Variants in DCTN5 observed in about 807,000 individuals in gnomAD.
DCTN5 encodes dynactin subunit 5.
In DCTN5, 14 loss-of-function variants were observed where a neutral mutation model predicts 23.5. That is an observed-to-expected ratio of 0.60 (90% CI 0.39 to 0.93). The LOEUF is 0.93. Among genes scored for constraint, DCTN5 ranks in the 40% least tolerant of loss-of-function variants. The probability of loss-of-function intolerance (pLI) is 0.00; values close to 1 mark genes in which losing one functional copy is unlikely to be tolerated. For missense variants in DCTN5, 156 were observed against 225.9 expected, an observed-to-expected ratio of 0.69 and a Z score of 1.98; for synonymous variants, 67 against 79.6, an observed-to-expected ratio of 0.84 and a Z score of 0.84.
At chr16:23,642,651 T>TA (rs201390063) in intron 1 of DCTN5, 51 of 247,510 alleles carry the variant, frequency 2.1e-4, no homozygotes, top group East Asian at 4.8e-4. Context: ...CCCGGCTAAT[T>TA]AAAAAATTTT....
At chr16:23,662,638 A>T (rs187477043) in intron 4 of DCTN5, among the ~76,000 whole-genome samples, 1 of 152,236 alleles carries the variant, frequency 6.6e-6, no homozygotes, top group Non-Finnish European at 1.5e-5. Context: ...GAAACCAAAC[A>T]GTTCACATTC....
At position 23,676,222 on chromosome 16, in the gene DCTN5, T is replaced by C. The variant is rs1031156254; in HGVS notation, c.*9078T>C. 6.7e-6 allele frequency: 1 copy of C among 150,224 alleles called. No homozygotes were observed. Among genetic ancestry groups the C allele is most frequent in the African/African-American group, 2.5e-5 (1 of 40,768 alleles). The allele number at this position is 150,224 out of a possible 1,614,324, so 9.3% of individuals were successfully genotyped here. On this transcript the variant is annotated 3_prime_UTR_variant, in exon 6 of 6. Transcript: ENST00000300087. ...AAAAAAAAAAAGGTTCAGACAGCAATTAAGGGCTGGGCACGGTGGCTCATG... is the reference window on the plus strand; with the variant it reads ...AAAAAAAAAAAGGTTCAGACAGCAACTAAGGGCTGGGCACGGTGGCTCATG...
chr16:23,674,196 A>G lies in DCTN5; in HGVS notation c.*7052A>G, dbSNP rs774902920. 2.6e-5 allele frequency: 4 copies of G among 152,200 alleles called. No homozygotes were observed. The highest frequency in any genetic ancestry group is 1.9e-4 in the East Asian group (1 of 5,192). The allele number at this position is 152,200 out of a possible 1,614,324, so 9.4% of individuals were successfully genotyped here. ...TGAACTGAAAGCAGGCACAGGCTCA[A>G]TGACCAGGACTCAGACGTTGGGGCC... is the stretch of plus-strand genomic sequence containing the variant. On this transcript the variant is annotated 3_prime_UTR_variant, in exon 6 of 6. Coordinates refer to ENST00000300087, the MANE Select transcript of DCTN5 (RefSeq NM_032486.4).
rs368220484 is a variant in DCTN5 at position 23,641,602 on chromosome 16, C to T, written c.48+12C>T. On this transcript the variant is annotated intron_variant, in intron 1 of 5. Coordinates refer to ENST00000300087, the MANE Select transcript of DCTN5 (RefSeq NM_032486.4). ...AGTACATCGAGACGGTGCGCGGGTC[C>T]AGATATGTATCCTCCTCTTTCCAAC... 6.6e-5 allele frequency: 106 copies of T among 1,613,774 alleles called. No homozygotes were observed. Among genetic ancestry groups the T allele is most frequent in the Middle Eastern group, 3.3e-4 (2 of 6,080 alleles).
intron 2 of DCTN5, among the ~76,000 whole-genome samples, chr16:23,645,114 TATATATATATATATATA>T (rs1967414019): frequency 9.3e-4 from 38 of 40,706 alleles, no homozygotes; most frequent in Non-Finnish European, 1.1e-3. Flanking sequence ...TATATATATA[TATATATATATATATATA>T]TATATATTTT....
chr16:23,665,729 G>A lies in DCTN5; in HGVS notation c.451+1G>A. 1 of 1,611,674 alleles carries A rather than the reference G, an allele frequency of 6.2e-7. No individual in the cohort carries two copies. Among genetic ancestry groups the A allele is most frequent in the Non-Finnish European group, 8.5e-7 (1 of 1,178,678 alleles). On this transcript the variant is annotated splice_donor_variant, in intron 5 of 5. Transcript: ENST00000300087. LOFTEE classifies it high-confidence loss of function. Reference sequence around the variant, plus strand: ...TTCACTGTCTTCTCAGGCTGCCCAGGTAACCTTGGCTGTTGATTAATTTTA... The same window carrying A: ...TTCACTGTCTTCTCAGGCTGCCCAGATAACCTTGGCTGTTGATTAATTTTA...
Position 23,665,730 on chromosome 16 carries a change from TAA to T in DCTN5, c.451+3_451+4del. The stretch of plus-strand genomic sequence containing the variant: ...TCACTGTCTTCTCAGGCTGCCCAGG[TAA>T]CCTTGGCTGTTGATTAATTTTATTT... On this transcript the variant is annotated splice_donor_region_variant and intron_variant, in intron 5 of 5. Transcript: ENST00000300087. 6.2e-7 allele frequency: 1 copy of T among 1,610,204 alleles called. No individual in the cohort carries two copies. The highest frequency in any genetic ancestry group is 1.1e-5 in the South Asian group (1 of 90,396).
At chr16:23,651,431 A>G (rs1967603153) in intron 2 of DCTN5, among the ~76,000 whole-genome samples, 1 of 152,162 alleles carries the variant, frequency 6.6e-6, no homozygotes, top group African/African-American at 2.4e-5. Flanking sequence ...CTTCCTTTGC[A>G]TGTGTTTGCT....
In DCTN5 at chr16:23,668,646, G is replaced by A. The variant is rs2140990140; in HGVS notation, c.*1502G>A. 6.6e-6 allele frequency: 1 copy of A among 152,292 alleles called. No homozygotes were observed. The highest frequency in any genetic ancestry group is 1.9e-4 in the East Asian group (1 of 5,192). The allele number at this position is 152,292 out of a possible 1,614,324, so 9.4% of individuals were successfully genotyped here. On this transcript the variant is annotated 3_prime_UTR_variant, in exon 6 of 6. Coordinates refer to ENST00000300087, the MANE Select transcript of DCTN5 (RefSeq NM_032486.4). ...GAGATTCTGCTAGTAAAAAGGAGTGGGGGAAGAATGGCCATTGGGAGACAA... is the reference window on the plus strand; with the variant it reads ...GAGATTCTGCTAGTAAAAAGGAGTGAGGGAAGAATGGCCATTGGGAGACAA...
intron 2 of DCTN5, chr16:23,650,843 CTGAG>C (rs1168427136): frequency 6.8e-7 from 1 of 1,465,128 alleles, no homozygotes; most frequent in Non-Finnish European, 9.2e-7. Context: ...GTCAGTAAGA[CTGAG>C]TGTGAACAAT....
rs1425179667 is a variant in DCTN5, at chr16:23,669,650, CCAGTT to C, written c.*2510_*2514del. On this transcript the variant is annotated 3_prime_UTR_variant, in exon 6 of 6. Transcript: ENST00000300087. ...CTGGGCAGGACAAAGCATCAGCTGT[CCAGTT>C]CAGGCCTCTCCTCTTTCCCTGGTGT... 1 of 152,386 alleles carries C rather than the reference CCAGTT, an allele frequency of 6.6e-6. No individual in the cohort carries two copies. Among genetic ancestry groups the C allele is most frequent in the Admixed American group, 6.5e-5 (1 of 15,272 alleles). 9.4% of individuals were successfully genotyped at this position (152,386 alleles called of 1,614,324 possible).
chr16:23,647,923 C>G (rs1489909623), intron 2 of DCTN5, among the ~76,000 whole-genome samples: 1 of 152,104 alleles, frequency 6.6e-6, no homozygotes, highest in Non-Finnish European at 1.5e-5. Context: ...ACCCTATACC[C>G]AACTGAAGAA....
chr16:23,654,148 A>G (rs939539341), intron 2 of DCTN5, among the ~76,000 whole-genome samples: 3 of 152,322 alleles, frequency 2.0e-5, no homozygotes, highest in African/African-American at 4.8e-5. Context: ...CAGAAATACC[A>G]TTTGACCCAG....
chr16:23,649,098 G>A (rs921786742), intron 2 of DCTN5, among the ~76,000 whole-genome samples: 11 of 152,152 alleles, frequency 7.2e-5, no homozygotes, highest in African/African-American at 2.6e-4. Context: ...GACCTCAAGT[G>A]ATCCACCTGC....
intron 5 of DCTN5, chr16:23,666,101 A>C: frequency 5.5e-6 from 1 of 182,058 alleles, no homozygotes; most frequent in Non-Finnish European, 1.2e-5. Context: ...AATACTCTTA[A>C]AGGATTCCCT....
chr16:23,665,714 T>G lies in DCTN5; in HGVS notation c.437T>G (p.Phe146Cys). 5.6e-6 allele frequency: 9 copies of G among 1,613,818 alleles called. No homozygotes were observed. Among genetic ancestry groups the G allele is most frequent in the Non-Finnish European group, 7.6e-6 (9 of 1,179,882 alleles). Residue 146 changes from phenylalanine to cysteine, a missense_variant, in exon 5 of 6, where the codon TTC becomes TGC. By Grantham distance (205) the Phe-to-Cys change is radical (BLOSUM62 -2). Coordinates refer to ENST00000300087, the MANE Select transcript of DCTN5 (RefSeq NM_032486.4). ...PETVVPPFTV[F>C]SGCPGLFSGE... The stretch of plus-strand genomic sequence containing the variant: ...ACTGTGGTTCCACCATTCACTGTCT[T>G]CTCAGGCTGCCCAGGTAACCTTGGC...
chr16:23,651,341 A>G (rs1373744954), intron 2 of DCTN5, among the ~76,000 whole-genome samples: 4 of 152,190 alleles, frequency 2.6e-5, no homozygotes, highest in African/African-American at 4.8e-5. Context: ...TCTCTTCCTC[A>G]GCACTACTCC....
rs370230646 is a variant in DCTN5, at chr16:23,675,102, G to A, written c.*7958G>A. 1.1e-4 allele frequency: 16 copies of A among 152,044 alleles called. No homozygotes were observed. The highest frequency in any genetic ancestry group is 3.4e-4 in the African/African-American group (14 of 41,440). The allele number at this position is 152,044 out of a possible 1,614,324, so 9.4% of individuals were successfully genotyped here. A position where few individuals can be genotyped will look rare whatever the true frequency, so the allele number is the denominator to read the frequency against. ...TAGGGCTTCAGCATGAATTTTTGTG[G>A]GGACATAATTCAACCCTCCACACAT... On this transcript the variant is annotated 3_prime_UTR_variant, in exon 6 of 6. Coordinates refer to ENST00000300087, the MANE Select transcript of DCTN5 (RefSeq NM_032486.4).
chr16:23,647,509 AT>A (rs572034897), intron 2 of DCTN5, among the ~76,000 whole-genome samples: 1,559 of 138,008 alleles, frequency 0.011, 23 homozygotes, highest in African/African-American at 0.04. Flanking sequence ...TTTTTTTTTA[AT>A]TTTTTTTTGG....
Sources: allele counts gnomAD v4.1 joint callset (sites outside exome capture counted in the v4.1 genomes callset), GRCh38; gene constraint gnomAD v4.1.1; transcripts MANE v1.5; gene names NCBI Gene and HGNC (gene_info 2026-07-23, HGNC 2026-07-21).